Variants in ZDHHC15 observed in about 807,000 individuals in gnomAD.
ZDHHC15 encodes the protein zDHHC palmitoyltransferase 15.
ZDHHC15 carries 19 observed loss-of-function variants against 31.7 expected under a neutral mutation model. The ratio of observed to expected loss-of-function variants is 0.60; its 90% CI spans 0.42 to 0.88. The LOEUF is 0.88. Ranked by LOEUF, ZDHHC15 falls within the 40% of genes least tolerant of loss-of-function variation. The pLI is 0.00. For synonymous variants in ZDHHC15, 103 were observed against 90.0 expected (o/e 1.14, Z -0.82); for missense variants, 209 against 251.2 (o/e 0.83, Z 1.14).
chrX:75,455,220 T>C (rs1179822558), intron 3 of ZDHHC15, among the ~76,000 whole-genome samples: 3 of 111,279 alleles, frequency 2.7e-5, no homozygotes, highest in Non-Finnish European at 5.7e-5. Context: ...ACCACACATG[T>C]ATAACCATCT....
At chrX:75,497,778 C>A (rs775724991) in intron 2 of ZDHHC15, among the ~76,000 whole-genome samples, 1 of 110,948 alleles carries the variant, frequency 9.0e-6, no homozygotes, top group Non-Finnish European at 1.9e-5. Flanking sequence ...ATCCCGCATC[C>A]CTTTATGATT....
intron 9 of ZDHHC15, among the ~76,000 whole-genome samples, chrX:75,418,526 T>C (rs2083576249): frequency 8.9e-6 from 1 of 112,136 alleles, no homozygotes; most frequent in Non-Finnish European, 1.9e-5. Flanking sequence ...TGCATAATTG[T>C]TGCAGTTCTA....
intron 3 of ZDHHC15, among the ~76,000 whole-genome samples, chrX:75,459,517 C>A (rs1475730709): frequency 9.0e-6 from 1 of 111,417 alleles, no homozygotes; most frequent in African/African-American, 3.3e-5. Context: ...AAGGACCCCC[C>A]AACAGTGAAG....
At chrX:75,485,189 T>C (rs1263727339) in intron 2 of ZDHHC15, among the ~76,000 whole-genome samples, 1 of 111,261 alleles carries the variant, frequency 9.0e-6, no homozygotes, top group East Asian at 2.8e-4. Context: ...TACTCAAAAA[T>C]GGTGACACTG....
intron 1 of ZDHHC15, among the ~76,000 whole-genome samples, chrX:75,507,074 G>A (rs756164958): frequency 2.5e-4 from 28 of 111,448 alleles, no homozygotes; most frequent in Non-Finnish European, 3.8e-4. Context: ...AATAACTGCA[G>A]AACTTTTAAG....
At chrX:75,474,571 T>TACACAC (rs1209885057) in intron 3 of ZDHHC15, among the ~76,000 whole-genome samples, 3 of 22,758 alleles carry the variant, frequency 1.3e-4, no homozygotes, top group Admixed American at 9.9e-4. Flanking sequence ...TAATCCCCTT[T>TACACAC]ATACACACAC....
chrX:75,476,156 TACAA>T (rs1040039912), intron 3 of ZDHHC15, among the ~76,000 whole-genome samples: 6 of 111,549 alleles, frequency 5.4e-5, no homozygotes, highest in African/African-American at 6.5e-5. Context: ...AGATCATACC[TACAA>T]ACAGAGATAA....
chrX:75,386,882 G>A (rs1049976752), intron 10 of ZDHHC15, among the ~76,000 whole-genome samples: 1 of 111,860 alleles, frequency 8.9e-6, no homozygotes, highest in South Asian at 3.8e-4. Context: ...GCTTGATTGT[G>A]ACCTGGAGCT....
chrX:75,486,228 T>C (rs1013105992), intron 2 of ZDHHC15, among the ~76,000 whole-genome samples: 2 of 111,541 alleles, frequency 1.8e-5, no homozygotes, highest in Admixed American at 1.9e-4. Flanking sequence ...GAAATGGATT[T>C]AGGGAGCCAA....
intron 3 of ZDHHC15, among the ~76,000 whole-genome samples, chrX:75,471,763 C>T (rs1456433638): frequency 1.8e-5 from 2 of 111,789 alleles, no homozygotes; most frequent in Non-Finnish European, 3.8e-5. Context: ...CTATATGACC[C>T]AGCAGATCCA....
intron 3 of ZDHHC15, among the ~76,000 whole-genome samples, chrX:75,472,213 G>A (rs1441790074): frequency 9.0e-6 from 1 of 111,658 alleles, no homozygotes; most frequent in Non-Finnish European, 1.9e-5. Flanking sequence ...CTCATGGGGG[G>A]TTCACTATGA....
intron 7 of ZDHHC15, among the ~76,000 whole-genome samples, chrX:75,426,386 T>A (rs886112805): frequency 9.0e-6 from 1 of 110,915 alleles, no homozygotes; most frequent in South Asian, 3.8e-4. Context: ...CAAAGAACAT[T>A]TTTCTGTCTC....
At chrX:75,445,005 C>T (rs1015815498) in intron 4 of ZDHHC15, among the ~76,000 whole-genome samples, 1 of 109,335 alleles carries the variant, frequency 9.1e-6, no homozygotes, top group African/African-American at 3.3e-5. Flanking sequence ...ATTGTTTCTC[C>T]TAGTGCTTAT....
chrX:75,519,201 T>C (rs1008879625), intron 1 of ZDHHC15, among the ~76,000 whole-genome samples: 1 of 111,304 alleles, frequency 9.0e-6, no homozygotes, highest in Non-Finnish European at 1.9e-5. Flanking sequence ...TTTTATGTTA[T>C]ATAAATTTCA....
At chrX:75,451,142 A>G (rs1485673529) in intron 3 of ZDHHC15, among the ~76,000 whole-genome samples, 1 of 112,168 alleles carries the variant, frequency 8.9e-6, no homozygotes, top group Non-Finnish European at 1.9e-5. Context: ...TAAAGAAAAT[A>G]AAACAGAGAG....
At chrX:75,414,772 C>CA (rs2083529335) in intron 10 of ZDHHC15, among the ~76,000 whole-genome samples, 4 of 45,745 alleles carry the variant, frequency 8.7e-5, no homozygotes, top group African/African-American at 1.4e-4. Context: ...TGTACAAGTA[C>CA]GTTTTTTTTT....
intron 4 of ZDHHC15, among the ~76,000 whole-genome samples, chrX:75,449,911 A>G (rs1208335222): frequency 8.9e-6 from 1 of 112,102 alleles, no homozygotes; most frequent in Non-Finnish European, 1.9e-5. Flanking sequence ...TTAGTCATGC[A>G]GATGAAACCT....
intron 10 of ZDHHC15, among the ~76,000 whole-genome samples, chrX:75,399,752 G>A (rs369952474): frequency 9.0e-6 from 1 of 111,300 alleles, no homozygotes; most frequent in East Asian, 2.8e-4. Context: ...AAATATGGCT[G>A]CAACTGTGAG....
At position 75,523,002 on chromosome X, in the gene ZDHHC15, G is replaced by A. The variant is rs1356534913; in HGVS notation, c.23C>T (p.Ala8Val). MRRGWKM[A>V]LSGGLRCCRR... Reference sequence around the variant, plus strand: ...GCAGCACCGCAGCCCCCCAGACAGAGCCATCTTCCAGCCTCGCCGCATCTT... The same window carrying A: ...GCAGCACCGCAGCCCCCCAGACAGAACCATCTTCCAGCCTCGCCGCATCTT... The change falls in exon 1 of 12, where the codon GCT becomes GTT. Residue 8 changes from alanine (A) to valine (V), a missense_variant. Physicochemically the swap from Ala to Val is moderately conservative, Grantham distance 64. Transcript: ENST00000373367. The A allele has an allele frequency of 1.2e-5, 14 of 1,208,903 alleles. No homozygotes were observed. Among genetic ancestry groups the A allele is most frequent in the Non-Finnish European group, 1.6e-5 (14 of 894,588 alleles).
Sources: gnomAD v4.1 joint callset for allele counts (sites outside exome capture counted in the v4.1 genomes callset) on GRCh38, gnomAD v4.1.1 for gene constraint, MANE v1.5 for transcripts, NCBI Gene and HGNC (gene_info 2026-07-23, HGNC 2026-07-21) for gene names.